NBAS: variants seen among roughly 807,000 people sequenced by gnomAD.
NBAS encodes NAG/BC035112 fusion.
NBAS carries 219 observed loss-of-function variants against 302.5 expected under a neutral mutation model. The ratio of observed to expected loss-of-function variants is 0.72; its 90% CI spans 0.65 to 0.81. The LOEUF (loss-of-function observed/expected upper bound fraction) is 0.81. NBAS is among the 30% of genes least tolerant of loss of function. The probability of loss-of-function intolerance (pLI) is 0.00; values close to 1 mark genes in which losing one functional copy is unlikely to be tolerated. For synonymous variants in NBAS, 1,118 were observed against 1,021.6 expected, an observed-to-expected ratio of 1.09 and a Z score of -1.80; for missense variants, 2,932 against 2,841.6, an observed-to-expected ratio of 1.03 and a Z score of -0.72.
chr2:15,339,135 T>C (rs1026906161), intron 35 of NBAS, among the ~76,000 whole-genome samples: 1 of 152,036 alleles, frequency 6.6e-6, no homozygotes, highest in Non-Finnish European at 1.5e-5. Context: ...CTGGAAAAAA[T>C]AGAGGTGTAT....
the NBAS span, among the ~76,000 whole-genome samples, chr2:14,843,904 C>T: frequency 6.6e-6 from 1 of 152,278 alleles, no homozygotes; most frequent in South Asian, 2.1e-4. Context: ...AATTGTCCAT[C>T]TCAGCGGTCG....
the NBAS span, among the ~76,000 whole-genome samples, chr2:14,929,035 G>A: frequency 6.6e-6 from 1 of 152,226 alleles, no homozygotes; most frequent in South Asian, 2.1e-4. Flanking sequence ...CCTTAGCATG[G>A]ACTGGAAAGC....
At chr2:15,341,473 A>G (rs930223518) in intron 35 of NBAS, among the ~76,000 whole-genome samples, 1 of 152,044 alleles carries the variant, frequency 6.6e-6, no homozygotes, top group Non-Finnish European at 1.5e-5. Context: ...TGTAACTAAG[A>G]TAGAAAACTT....
the NBAS span, among the ~76,000 whole-genome samples, chr2:14,992,553 T>A: frequency 6.6e-6 from 1 of 152,146 alleles, no homozygotes; most frequent in East Asian, 1.9e-4. Context: ...AAAATGCAAA[T>A]GATATTTCTC....
chr2:15,075,742 T>C, the NBAS span, among the ~76,000 whole-genome samples: 1 of 149,262 alleles, frequency 6.7e-6, no homozygotes, highest in Non-Finnish European at 1.5e-5. Context: ...GCCATTTATG[T>C]GATCCCCCCA....
intron 25 of NBAS, among the ~76,000 whole-genome samples, chr2:15,414,991 A>T (rs1011133290): frequency 1.3e-5 from 2 of 152,202 alleles, no homozygotes; most frequent in African/African-American, 4.8e-5. Context: ...ATGAGAACTT[A>T]AGAATTTGCA....
chr2:15,331,465 C>T (rs1380035334), intron 35 of NBAS, among the ~76,000 whole-genome samples: 5 of 152,140 alleles, frequency 3.3e-5, no homozygotes, highest in African/African-American at 2.4e-5. Context: ...CTATAACTTC[C>T]TAGTTTAGTG....
At chr2:14,883,229 C>T in the NBAS span, among the ~76,000 whole-genome samples, 1 of 152,132 alleles carries the variant, frequency 6.6e-6, no homozygotes, top group Non-Finnish European at 1.5e-5. Flanking sequence ...TTTCTTCATC[C>T]TTTGAAAATT....
chr2:15,015,019 T>C, the NBAS span, among the ~76,000 whole-genome samples: 1 of 151,812 alleles, frequency 6.6e-6, no homozygotes, highest in South Asian at 2.1e-4. Flanking sequence ...TGCCAATAAA[T>C]TTGAAAATCT....
chr2:15,041,300 G>A, the NBAS span, among the ~76,000 whole-genome samples: 1 of 152,180 alleles, frequency 6.6e-6, no homozygotes, highest in African/African-American at 2.4e-5. Context: ...AACATCTGAG[G>A]TCTCTCTCCC....
At chr2:15,307,480 C>T (rs1048560929) in intron 40 of NBAS, among the ~76,000 whole-genome samples, 1 of 152,040 alleles carries the variant, frequency 6.6e-6, no homozygotes, top group Non-Finnish European at 1.5e-5. Context: ...AAAATCTGGA[C>T]CTTGGATTTA....
At chr2:14,996,604 G>A in the NBAS span, among the ~76,000 whole-genome samples, 7 of 152,144 alleles carry the variant, frequency 4.6e-5, no homozygotes, top group African/African-American at 1.2e-4. Flanking sequence ...GTCTCTTTGC[G>A]ATGACAGATG....
chr2:14,818,364 T>C, the NBAS span, among the ~76,000 whole-genome samples: 1 of 152,240 alleles, frequency 6.6e-6, no homozygotes, highest in African/African-American at 2.4e-5. Flanking sequence ...TTAAAAATTT[T>C]ATCTGCATCT....
chr2:14,858,514 T>C, the NBAS span, among the ~76,000 whole-genome samples: 3 of 152,076 alleles, frequency 2.0e-5, no homozygotes, highest in East Asian at 1.9e-4. Context: ...TTTATGTCTC[T>C]TGAATGGAAC....
At chr2:14,930,145 T>G in the NBAS span, among the ~76,000 whole-genome samples, 1 of 152,222 alleles carries the variant, frequency 6.6e-6, no homozygotes, top group South Asian at 2.1e-4. Context: ...TAGTCTCAGA[T>G]AGTTCTACAT....
Position 15,277,107 on chromosome 2 carries a change from A to G in NBAS, c.5139-6T>C. Reference sequence around the variant, plus strand: ...CAATTTCTAGTGTGGACAAACTGAAATTAAGAGCCAAAGGAACTGTGTTAA... The same window carrying G: ...CAATTTCTAGTGTGGACAAACTGAAGTTAAGAGCCAAAGGAACTGTGTTAA... On this transcript the variant is annotated splice_polypyrimidine_tract_variant and splice_region_variant and intron_variant, in intron 42 of 51. Coordinates refer to ENST00000281513, the MANE Select transcript of NBAS (RefSeq NM_015909.4). The G allele has an allele frequency of 6.2e-7, 1 of 1,613,476 alleles. No homozygotes were observed.
At chr2:15,532,823 G>A (rs1157398442) in intron 9 of NBAS, among the ~76,000 whole-genome samples, 1 of 151,552 alleles carries the variant, frequency 6.6e-6, no homozygotes, top group Non-Finnish European at 1.5e-5. Flanking sequence ...AAAATTAAAT[G>A]TAAATATAAG....
the NBAS span, among the ~76,000 whole-genome samples, chr2:15,153,061 A>G: frequency 6.6e-6 from 1 of 152,204 alleles, no homozygotes; most frequent in Non-Finnish European, 1.5e-5. Context: ...GCTGAAGGAA[A>G]TTGCCAAGGT....
the NBAS span, among the ~76,000 whole-genome samples, chr2:14,937,895 G>T: frequency 6.6e-6 from 1 of 152,042 alleles, no homozygotes; most frequent in Non-Finnish European, 1.5e-5. Flanking sequence ...CTTTTGGAGG[G>T]CAAGGCAGGG....
Sources: allele counts gnomAD v4.1 joint callset (sites outside exome capture counted in the v4.1 genomes callset), GRCh38; gene constraint gnomAD v4.1.1; transcripts MANE v1.5; gene names NCBI Gene and HGNC (gene_info 2026-07-23, HGNC 2026-07-21).